CORIN: variants seen among roughly 807,000 people sequenced by gnomAD.
CORIN encodes corin, serine peptidase.
A neutral mutation model predicts 125.3 loss-of-function variants in CORIN; 117 were observed. The observed-to-expected ratio is 0.93, with a 90% CI of 0.80 to 1.09. CORIN has a LOEUF of 1.09. Among genes scored for constraint, CORIN ranks in the 50% least tolerant of loss-of-function variants. CORIN has a pLI of 0.00. For synonymous variants in CORIN, 450 were observed against 466.4 expected (o/e 0.96, Z 0.45); for missense variants, 1,253 against 1,306.7 (o/e 0.96, Z 0.63).
Position 47,747,244 on chromosome 4 carries a change from G to GA in CORIN, c.618-2662dup, listed in dbSNP as rs1256076328. Among the ~76,000 whole-genome samples, 7 of 151,756 alleles carry GA rather than the reference G, an allele frequency of 4.6e-5. No individual in the cohort carries two copies. The South Asian group carries it at 8.3e-4, about 18-fold the overall frequency. Reference sequence around the variant, plus strand: ...TAAGCTTTTAAATAAGAAAATAGATGAAAAAAACACAGAATAATGCATAAT... The same window carrying GA: ...TAAGCTTTTAAATAAGAAAATAGATGAAAAAAAACACAGAATAATGCATAAT... On this transcript the variant is annotated intron_variant, in intron 4 of 21. Coordinates refer to ENST00000273857, the MANE Select transcript of CORIN (RefSeq NM_006587.4).
intron 5 of CORIN, among the ~76,000 whole-genome samples, chr4:47,727,507 T>A (rs1181906262): frequency 1.3e-5 from 2 of 152,278 alleles, no homozygotes; most frequent in South Asian, 4.1e-4. Context: ...AATAAACTGT[T>A]GACAGAGTCT....
intron 2 of CORIN, among the ~76,000 whole-genome samples, chr4:47,787,959 A>C (rs1405729952): frequency 1.3e-5 from 2 of 152,262 alleles, no homozygotes; most frequent in East Asian, 3.8e-4. Context: ...TTCATTGACA[A>C]AACAAAGAAC....
chr4:47,656,104 A>C (rs1370708969), intron 12 of CORIN, among the ~76,000 whole-genome samples: 1 of 151,862 alleles, frequency 6.6e-6, no homozygotes, highest in Non-Finnish European at 1.5e-5. Flanking sequence ...ATACCAGCAA[A>C]CTGAATTCAA....
At chr4:47,811,806 G>T (rs1732075432) in intron 1 of CORIN, among the ~76,000 whole-genome samples, 2 of 152,170 alleles carry the variant, frequency 1.3e-5, no homozygotes, top group Non-Finnish European at 2.9e-5. Context: ...ATTGGATACA[G>T]CCATGTTCAT....
chr4:47,628,437 C>CGTGTGTGTGT (rs35452886), intron 16 of CORIN, among the ~76,000 whole-genome samples: 3 of 147,388 alleles, frequency 2.0e-5, no homozygotes, highest in South Asian at 2.2e-4. Context: ...CACATAGTTA[C>CGTGTGTGTGT]GTGTGTGTGT....
rs1214437534 is a variant in CORIN at position 47,623,427 on chromosome 4, T to G, written c.2540+144A>C. On this transcript the variant is annotated intron_variant, in intron 19 of 21. Coordinates refer to ENST00000273857, the MANE Select transcript of CORIN (RefSeq NM_006587.4). ...GATGGCAACATCAAGGATAGAAAAC[T>G]TTAGGAAGATAAAGGCCTGGGAAGT... The G allele has an allele frequency of 1.6e-5, 13 of 815,880 alleles. No homozygotes were observed. The East Asian group carries it at 2.7e-4, about 17-fold the overall frequency. 50.5% of individuals were successfully genotyped at this position (815,880 alleles called of 1,614,324 possible). A position where few individuals can be genotyped will look rare whatever the true frequency, so the allele number is the denominator to read the frequency against.
At chr4:47,688,609 A>T (rs538094440) in intron 6 of CORIN, among the ~76,000 whole-genome samples, 4 of 152,192 alleles carry the variant, frequency 2.6e-5, no homozygotes, top group Admixed American at 2.0e-4. Flanking sequence ...CTCAAAAAAA[A>T]ATTTTAAAAA....
intron 2 of CORIN, among the ~76,000 whole-genome samples, chr4:47,788,915 CCTAA>C (rs1361907003): frequency 6.6e-6 from 1 of 152,168 alleles, no homozygotes; most frequent in Non-Finnish European, 1.5e-5. Context: ...AACACTTGTT[CCTAA>C]CTTTTTGGTA....
intron 1 of CORIN, among the ~76,000 whole-genome samples, chr4:47,808,223 G>A (rs762813122): frequency 1.5e-4 from 23 of 151,978 alleles, no homozygotes; most frequent in Admixed American, 2.0e-4. Flanking sequence ...CCCCTATGCC[G>A]TACATCACCA....
At chr4:47,600,448 AT>A in intron 20 of CORIN, 101 bp from the exon 21 acceptor site, 1 of 734,500 alleles carries the variant, frequency 1.4e-6, no homozygotes, top group Non-Finnish European at 2.0e-6. Flanking sequence ...TAATATAAAT[AT>A]TTTTATACCA....
chr4:47,601,740 G>C (rs1327715519), intron 20 of CORIN, among the ~76,000 whole-genome samples: 1 of 152,090 alleles, frequency 6.6e-6, no homozygotes, highest in Non-Finnish European at 1.5e-5. Context: ...CATAGGAGTG[G>C]TGACAGCATG....
At chr4:47,770,252 A>G (rs1018903732) in intron 3 of CORIN, among the ~76,000 whole-genome samples, 3 of 152,224 alleles carry the variant, frequency 2.0e-5, no homozygotes, top group African/African-American at 2.4e-5. Context: ...TATATGAAAA[A>G]AAGTTCAACA....
At chr4:47,765,798 C>A (rs1577904018) in intron 3 of CORIN, among the ~76,000 whole-genome samples, 1 of 152,118 alleles carries the variant, frequency 6.6e-6, no homozygotes, top group African/African-American at 2.4e-5. Flanking sequence ...ATTTAAGGAC[C>A]ATTTGCATTT....
chr4:47,787,815 A>G (rs1481702541), intron 2 of CORIN, among the ~76,000 whole-genome samples: 1 of 152,208 alleles, frequency 6.6e-6, no homozygotes, highest in East Asian at 1.9e-4. Flanking sequence ...CGAGTCCCCA[A>G]AGTTCATTGT....
chr4:47,823,884 C>A (rs1453131552), intron 1 of CORIN, among the ~76,000 whole-genome samples: 1 of 152,170 alleles, frequency 6.6e-6, no homozygotes, highest in Non-Finnish European at 1.5e-5. Flanking sequence ...AGACCCTGAA[C>A]CCCATCTTAG....
At chr4:47,763,926 T>G (rs1359269057) in intron 3 of CORIN, among the ~76,000 whole-genome samples, 2 of 152,114 alleles carry the variant, frequency 1.3e-5, no homozygotes. Context: ...TCACCATGCA[T>G]ATTCTTTGAC....
intron 1 of CORIN, chr4:47,837,607 C>T: frequency 3.6e-6 from 2 of 553,330 alleles, no homozygotes; most frequent in Admixed American, 6.5e-5. Context: ...GTCTCCGGAT[C>T]GAGCCGACTC....
chr4:47,739,731 TAATC>T (rs765803985), intron 5 of CORIN, among the ~76,000 whole-genome samples: 2 of 151,936 alleles, frequency 1.3e-5, no homozygotes, highest in Admixed American at 6.5e-5. Context: ...TTTATAATCA[TAATC>T]AATAAACCTA....
At chr4:47,666,837 T>C (rs1447762671) in intron 10 of CORIN, among the ~76,000 whole-genome samples, 1 of 152,170 alleles carries the variant, frequency 6.6e-6, no homozygotes, top group East Asian at 1.9e-4. Context: ...ATGTTTGTCA[T>C]TTAAGCCACC....
Sources: allele counts gnomAD v4.1 joint callset (sites outside exome capture counted in the v4.1 genomes callset), GRCh38; gene constraint gnomAD v4.1.1; transcripts MANE v1.5; gene names NCBI Gene and HGNC (gene_info 2026-07-23, HGNC 2026-07-21).